Variants in SLCO3A1 observed in about 807,000 individuals in gnomAD.
SLCO3A1 encodes solute carrier organic anion transporter family member 3A1.
In SLCO3A1, 27 loss-of-function variants were observed where a neutral mutation model predicts 63.1. The observed-to-expected ratio is 0.43, with a 90% CI of 0.32 to 0.59. SLCO3A1 has a LOEUF of 0.59. SLCO3A1 is among the 20% of genes least tolerant of loss of function. The pLI is 0.09. For synonymous variants in SLCO3A1, 473 were observed against 409.9 expected (o/e 1.15, Z -1.86); for missense variants, 773 against 945.8 (o/e 0.82, Z 2.40).
chr15:92,126,381 C>T lies in SLCO3A1; in HGVS notation c.1373+122C>T, dbSNP rs112906771. The T allele has an allele frequency of 3.5e-5, 26 of 747,230 alleles. 1 individual carries two copies. In the Middle Eastern group the frequency reaches 1.5e-3, roughly 43 times the overall value. 46.3% of individuals were successfully genotyped at this position (747,230 alleles called of 1,614,324 possible). A position where few individuals can be genotyped will look rare whatever the true frequency, so the allele number is the denominator to read the frequency against. On this transcript the variant is annotated intron_variant, in intron 6 of 9. Coordinates refer to ENST00000318445, the MANE Select transcript of SLCO3A1 (RefSeq NM_013272.4). The stretch of plus-strand genomic sequence containing the variant: ...ACCTGAGGAGACGCATCACGGCTGC[C>T]TCTGCATCTTACTGTCCACGTTGGA...
intron 2 of SLCO3A1, among the ~76,000 whole-genome samples, chr15:92,086,813 TAAAAATAC>T (rs2047409966): frequency 6.6e-6 from 1 of 152,026 alleles, no homozygotes; most frequent in African/African-American, 2.4e-5. Flanking sequence ...CCGTCTCTAC[TAAAAATAC>T]AAAAATTAGC....
At chr15:91,983,820 C>T (rs1032381280) in intron 2 of SLCO3A1, among the ~76,000 whole-genome samples, 7 of 152,192 alleles carry the variant, frequency 4.6e-5, no homozygotes, top group Non-Finnish European at 1.0e-4. Flanking sequence ...TTATAGATCT[C>T]TGGTTTTCTA....
chr15:92,120,020 A>G (rs1596118376), intron 4 of SLCO3A1, among the ~76,000 whole-genome samples: 1 of 152,284 alleles, frequency 6.6e-6, no homozygotes, highest in East Asian at 1.9e-4. Context: ...TAGATCCATC[A>G]ATAGGTATAT....
At chr15:92,071,835 C>G (rs190675534) in intron 2 of SLCO3A1, among the ~76,000 whole-genome samples, 11 of 152,314 alleles carry the variant, frequency 7.2e-5, no homozygotes, top group Admixed American at 7.2e-4. Flanking sequence ...TGCAGTTGTT[C>G]CTGGCAGGCA....
intron 1 of SLCO3A1, among the ~76,000 whole-genome samples, chr15:91,870,077 G>T (rs1897251940): frequency 6.6e-6 from 1 of 152,152 alleles, no homozygotes; most frequent in Non-Finnish European, 1.5e-5. Context: ...AGGATTGAGT[G>T]GGGAAGTTAG....
chr15:92,009,141 A>G (rs2046343226), intron 2 of SLCO3A1, among the ~76,000 whole-genome samples: 1 of 152,232 alleles, frequency 6.6e-6, no homozygotes. Flanking sequence ...CAAGGGCTGC[A>G]TGCTGTCCCA....
rs2048489489 is a variant in SLCO3A1, at chr15:92,165,801, C to T, written c.*2666C>T. On this transcript the variant is annotated 3_prime_UTR_variant, in exon 10 of 10. Transcript: ENST00000318445. Reference sequence around the variant, plus strand: ...ACATACAACACTAGATCCAGCCCCTCGATTATCTGTTTGGTTTCAAGTGAA... The same window carrying T: ...ACATACAACACTAGATCCAGCCCCTTGATTATCTGTTTGGTTTCAAGTGAA... The T allele has an allele frequency of 7.1e-6, 7 of 985,068 alleles. No individual in the cohort carries two copies. Among genetic ancestry groups the T allele is most frequent in the Non-Finnish European group, 8.4e-6 (7 of 829,822 alleles). 61.0% of individuals were successfully genotyped at this position (985,068 alleles called of 1,614,324 possible). A position where few individuals can be genotyped will look rare whatever the true frequency, so the allele number is the denominator to read the frequency against.
intron 2 of SLCO3A1, among the ~76,000 whole-genome samples, chr15:91,999,750 C>A (rs1360474932): frequency 6.6e-6 from 1 of 152,194 alleles, no homozygotes; most frequent in South Asian, 2.1e-4. Context: ...ATGATTACTC[C>A]ACTGCACTCT....
At chr15:92,147,905 A>G (rs1215141830) in intron 8 of SLCO3A1, among the ~76,000 whole-genome samples, 1 of 152,224 alleles carries the variant, frequency 6.6e-6, no homozygotes, top group Non-Finnish European at 1.5e-5. Context: ...CATCTGAATC[A>G]GGGGAAGGTA....
At chr15:91,985,742 A>G (rs2046043844) in intron 2 of SLCO3A1, among the ~76,000 whole-genome samples, 1 of 152,026 alleles carries the variant, frequency 6.6e-6, no homozygotes, top group African/African-American at 2.4e-5. Flanking sequence ...CCAGTTCTGG[A>G]GGGTGGTTGC....
At chr15:91,992,541 T>A (rs895611812) in intron 2 of SLCO3A1, among the ~76,000 whole-genome samples, 7 of 152,310 alleles carry the variant, frequency 4.6e-5, no homozygotes, top group African/African-American at 1.7e-4. Flanking sequence ...TAAACCATGT[T>A]AGCATCTCCC....
intron 2 of SLCO3A1, among the ~76,000 whole-genome samples, chr15:92,082,531 T>C (rs1431036910): frequency 1.3e-5 from 2 of 152,154 alleles, no homozygotes; most frequent in African/African-American, 2.4e-5. Flanking sequence ...GGGTTAAAAT[T>C]ACTCCAAGTC....
chr15:92,148,442 A>G (rs1422430303), intron 8 of SLCO3A1, among the ~76,000 whole-genome samples: 2 of 152,216 alleles, frequency 1.3e-5, no homozygotes, highest in East Asian at 3.8e-4. Context: ...TGTTACCTAG[A>G]ACGTCATTAG....
intron 1 of SLCO3A1, among the ~76,000 whole-genome samples, chr15:91,876,675 G>A (rs1156836130): frequency 3.9e-5 from 6 of 152,244 alleles, no homozygotes; most frequent in African/African-American, 1.2e-4. Flanking sequence ...ATAAGTGGTA[G>A]GTTCCGGAGG....
intron 2 of SLCO3A1, among the ~76,000 whole-genome samples, chr15:92,047,599 T>TAAATATATATATAAATATATA: frequency 5.9e-5 from 1 of 17,028 alleles, no homozygotes; most frequent in South Asian, 1.7e-3. Context: ...ATATAATATA[T>TAAATATATATATAAATATATA]AATATATATA....
At chr15:91,947,435 G>A (rs141799672) in intron 2 of SLCO3A1, among the ~76,000 whole-genome samples, 188 of 152,278 alleles carry the variant, frequency 1.2e-3, no homozygotes, top group Non-Finnish European at 2.2e-3. Context: ...TCACTCAGGT[G>A]GTGCTTTGTT....
At chr15:92,095,795 GC>G (rs1300314947) in intron 3 of SLCO3A1, among the ~76,000 whole-genome samples, 3 of 152,128 alleles carry the variant, frequency 2.0e-5, no homozygotes, top group Non-Finnish European at 4.4e-5. Flanking sequence ...AGCATTCTCA[GC>G]CCCCCAGGCC....
At chr15:91,919,848 C>A (rs190097992) in intron 2 of SLCO3A1, among the ~76,000 whole-genome samples, 3 of 151,626 alleles carry the variant, frequency 2.0e-5, no homozygotes, top group Admixed American at 1.3e-4. Context: ...ACATGTTCAC[C>A]GTTTACAATT....
rs996732960 is a variant in SLCO3A1 at position 92,165,511 on chromosome 15, A to AAAAG, written c.*2381_*2384dup. The AAAAG allele has an allele frequency of 1.0e-6, 1 of 982,070 alleles. No individual in the cohort carries two copies. The allele number at this position is 982,070 out of a possible 1,614,324, so 60.8% of individuals were successfully genotyped here. ...GAACTATTTGCTTTGAGAGAAAAAA[A>AAAAG]AAAGAAAGTTTTTTAAACTCTTTGC... is the stretch of plus-strand genomic sequence containing the variant. On this transcript the variant is annotated 3_prime_UTR_variant, in exon 10 of 10. Transcript: ENST00000318445.
Sources: allele counts gnomAD v4.1 joint callset (sites outside exome capture counted in the v4.1 genomes callset), GRCh38; gene constraint gnomAD v4.1.1; transcripts MANE v1.5; gene names NCBI Gene and HGNC (gene_info 2026-07-23, HGNC 2026-07-21).